The following SHISA9 variants were observed in gnomAD, a reference collection of about 807,000 sequenced individuals.
The protein encoded by SHISA9 is protein shisa-9.
A neutral mutation model predicts 38.0 loss-of-function variants in SHISA9; 13 were observed. The ratio of observed to expected loss-of-function variants is 0.34; its 90% CI spans 0.22 to 0.54. The LOEUF is 0.54. Ranked by LOEUF, SHISA9 falls within the 20% of genes least tolerant of loss-of-function variation. SHISA9 has a pLI of 0.91. For missense variants in SHISA9, 538 were observed against 575.8 expected, an observed-to-expected ratio of 0.93 and a Z score of 0.67; for synonymous variants, 275 against 242.0, an observed-to-expected ratio of 1.14 and a Z score of -1.27.
At chr16:13,113,344 A>T (rs1364652705) in intron 2 of SHISA9, among the ~76,000 whole-genome samples, 1 of 152,128 alleles carries the variant, frequency 6.6e-6, no homozygotes, top group Non-Finnish European at 1.5e-5. Context: ...GTCACAGAGT[A>T]TCTGCTGTCT....
chr16:12,981,303 A>G (rs1348821802), intron 2 of SHISA9, among the ~76,000 whole-genome samples: 1 of 152,248 alleles, frequency 6.6e-6, no homozygotes, highest in Non-Finnish European at 1.5e-5. Flanking sequence ...TATCTCTGGC[A>G]GCATTTGGAG....
chr16:12,915,283 A>G (rs1231301116), intron 1 of SHISA9, among the ~76,000 whole-genome samples: 1 of 152,118 alleles, frequency 6.6e-6, no homozygotes, highest in African/African-American at 2.4e-5. Flanking sequence ...CAACATAGTA[A>G]GACCCTGAGA....
downstream of SHISA9, among the ~76,000 whole-genome samples, chr16:13,242,660 T>G (rs1033005740): frequency 6.6e-6 from 1 of 152,216 alleles, no homozygotes; most frequent in African/African-American, 2.4e-5. Flanking sequence ...GAAACTATCC[T>G]TTCCTGCAAC....
At chr16:13,045,571 C>G (rs1567193802) in intron 2 of SHISA9, among the ~76,000 whole-genome samples, 1 of 147,688 alleles carries the variant, frequency 6.8e-6, no homozygotes, top group Non-Finnish European at 1.5e-5. Context: ...CGGTAAATCT[C>G]CCACAGAGCT....
rs183717246 is a variant in SHISA9 at position 13,074,189 on chromosome 16, C to T, written c.692-129205C>T. Among the ~76,000 whole-genome samples the T allele has an allele frequency of 7.8e-4, 118 of 152,130 alleles. 1 individual carries two copies. In the East Asian group the frequency reaches 0.015, roughly 19 times the overall value. On this transcript the variant is annotated intron_variant, in intron 2 of 4. Coordinates refer to ENST00000558583, the MANE Select transcript of SHISA9 (RefSeq NM_001145204.3). ...TTTGCCATGTTGGCCAGGATGGTCT[C>T]GAACTCCTGACCTCAGGTGATCCAC...
At chr16:13,433,266 AACTCACGGTGTG>A in the SHISA9 span, among the ~76,000 whole-genome samples, 11 of 152,218 alleles carry the variant, frequency 7.2e-5, no homozygotes, top group Non-Finnish European at 1.3e-4. Flanking sequence ...TCCACCATTT[AACTCACGGTGTG>A]ACTTTGAGAG....
At chr16:13,388,849 C>T in the SHISA9 span, among the ~76,000 whole-genome samples, 2 of 152,100 alleles carry the variant, frequency 1.3e-5, no homozygotes, top group Non-Finnish European at 2.9e-5. Flanking sequence ...GAAATTTCCA[C>T]GTCTAGTAGC....
At chr16:13,554,079 A>G in the SHISA9 span, among the ~76,000 whole-genome samples, 107 of 152,278 alleles carry the variant, frequency 7.0e-4, no homozygotes, top group African/African-American at 2.5e-3. Flanking sequence ...AAAGTATAAA[A>G]AAAAATAACT....
At chr16:13,015,932 T>C in intron 2 of SHISA9, among the ~76,000 whole-genome samples, 5 of 112,652 alleles carry the variant, frequency 4.4e-5, no homozygotes, top group Non-Finnish European at 9.0e-5. Flanking sequence ...CTTCCTTCCT[T>C]CTTTCCTTCC....
chr16:13,543,727 C>G, the SHISA9 span, among the ~76,000 whole-genome samples: 1 of 152,140 alleles, frequency 6.6e-6, no homozygotes, highest in Non-Finnish European at 1.5e-5. Context: ...CTGCACACAA[C>G]TCCTTGCCTC....
chr16:13,325,970 T>A, the SHISA9 span, among the ~76,000 whole-genome samples: 1 of 149,902 alleles, frequency 6.7e-6, no homozygotes, highest in Non-Finnish European at 1.5e-5. Flanking sequence ...GAAACCTAGA[T>A]GACGGGTCGA....
the SHISA9 span, among the ~76,000 whole-genome samples, chr16:13,469,320 G>GAGAGAAAGAAAGAAAGAA: frequency 1.2e-3 from 74 of 61,598 alleles, 1 homozygote; most frequent in African/African-American, 3.7e-3. Context: ...GAGAGAGAGA[G>GAGAGAAAGAAAGAAAGAA]AGAAAGAAAG....
intron 2 of SHISA9, among the ~76,000 whole-genome samples, chr16:13,070,516 G>A (rs537037975): frequency 7.9e-5 from 12 of 152,314 alleles, no homozygotes; most frequent in African/African-American, 2.6e-4. Context: ...TGGCTGTGCC[G>A]TGGCTGCTAG....
At chr16:13,494,961 A>C in the SHISA9 span, among the ~76,000 whole-genome samples, 1 of 152,232 alleles carries the variant, frequency 6.6e-6, no homozygotes, top group South Asian at 2.1e-4. Flanking sequence ...CGCCTTGCAA[A>C]ATAAGTCAAT....
intron 2 of SHISA9, among the ~76,000 whole-genome samples, chr16:13,051,015 A>G (rs1227346255): frequency 2.0e-5 from 3 of 152,222 alleles, no homozygotes; most frequent in Non-Finnish European, 2.9e-5. Flanking sequence ...CAGTGAGGTT[A>G]ATAGTAATCC....
intron 2 of SHISA9, among the ~76,000 whole-genome samples, chr16:13,022,947 C>T (rs1428755091): frequency 1.3e-5 from 2 of 152,186 alleles, no homozygotes; most frequent in Non-Finnish European, 2.9e-5. Context: ...CCCCATAATC[C>T]AGGATGATGT....
At chr16:13,556,884 T>A in the SHISA9 span, among the ~76,000 whole-genome samples, 2 of 152,154 alleles carry the variant, frequency 1.3e-5, no homozygotes, top group Non-Finnish European at 2.9e-5. Flanking sequence ...AATCTAGAGA[T>A]GATTTAAAGT....
At chr16:13,469,409 GAA>G in the SHISA9 span, among the ~76,000 whole-genome samples, 25 of 124,592 alleles carry the variant, frequency 2.0e-4, no homozygotes, top group South Asian at 1.8e-3. Flanking sequence ...AAGAAAGAAA[GAA>G]AGAAAGAAAG....
chr16:13,527,118 C>T, the SHISA9 span, among the ~76,000 whole-genome samples: 1 of 152,120 alleles, frequency 6.6e-6, no homozygotes, highest in Non-Finnish European at 1.5e-5. Context: ...CTATAACCTG[C>T]CCCAGGTTAT....
Sources: gnomAD v4.1 joint callset for allele counts (sites outside exome capture counted in the v4.1 genomes callset) on GRCh38, gnomAD v4.1.1 for gene constraint, MANE v1.5 for transcripts, NCBI Gene and HGNC (gene_info 2026-07-23, HGNC 2026-07-21) for gene names.